Variants in SYNE2 observed in about 807,000 individuals in gnomAD.
SYNE2 encodes nesprin-2.
A neutral mutation model predicts 856.3 loss-of-function variants in SYNE2; 431 were observed. That is an observed-to-expected ratio of 0.50 (90% CI 0.47 to 0.55). The LOEUF (loss-of-function observed/expected upper bound fraction) is 0.55, where lower values mean the gene tolerates loss of function less well. Among genes scored for constraint, SYNE2 ranks in the 20% least tolerant of loss-of-function variants. The pLI is 0.00. For missense variants in SYNE2, 8,129 were observed against 8,023.2 expected, an observed-to-expected ratio of 1.01 and a Z score of -0.50; for synonymous variants, 2,923 against 2,872.3, an observed-to-expected ratio of 1.02 and a Z score of -0.56.
At chr14:63,814,331 C>T (rs554326623) in intron 1 of SYNE2, among the ~76,000 whole-genome samples, 17 of 149,312 alleles carry the variant, frequency 1.1e-4, no homozygotes, top group African/African-American at 4.2e-4. Flanking sequence ...AAACAAAAAA[C>T]TGCCTGTATT....
At position 64,130,042 on chromosome 14, in the gene SYNE2, T is replaced by C; in HGVS notation, c.14140-6T>C. On this transcript the variant is annotated splice_region_variant and splice_polypyrimidine_tract_variant and intron_variant, in intron 75 of 115. Transcript: ENST00000555002. ...TGCATGTGTGCACCTGCTCTTCTCT[T>C]TTCAGGATGTACTTGACAGTATGTG... 1 of 1,613,628 alleles carries C rather than the reference T, an allele frequency of 6.2e-7. No homozygotes were observed. The highest frequency in any genetic ancestry group is 8.5e-7 in the Non-Finnish European group (1 of 1,179,982).
chr14:63,859,257 G>A (rs1050100856), intron 1 of SYNE2, among the ~76,000 whole-genome samples: 2 of 152,102 alleles, frequency 1.3e-5, no homozygotes, highest in Admixed American at 1.3e-4. Context: ...TAATTTTATT[G>A]AACTCCATGA....
Position 64,026,703 on chromosome 14 carries a change from C to T in SYNE2, c.6377C>T (p.Thr2126Ile), listed in dbSNP as rs2096981984. The T allele has an allele frequency of 6.2e-7, 1 of 1,611,362 alleles. No individual in the cohort carries two copies. Among genetic ancestry groups the T allele is most frequent in the Non-Finnish European group, 8.5e-7 (1 of 1,178,586 alleles). The change falls in exon 42 of 116, where the codon ACA becomes ATA. Residue 2126 changes from threonine to isoleucine, a missense_variant. By Grantham distance (89) the Thr-to-Ile change is moderately conservative (BLOSUM62 -1). Coordinates refer to ENST00000555002, the MANE Select transcript of SYNE2 (RefSeq NM_182914.3). ...GACATCAGCAACCAGTGGGACAACACACTCCATTTAGCTAGCACCTACCTA... is the reference window on the plus strand; with the variant it reads ...GACATCAGCAACCAGTGGGACAACATACTCCATTTAGCTAGCACCTACCTA... Reference protein sequence around the residue: ...LTDISNQWDNTLHLASTYLSH... With the variant: ...LTDISNQWDNILHLASTYLSH...
intron 52 of SYNE2, 67 bp from the exon 53 acceptor site, chr14:64,073,901 A>C (rs2097434495): frequency 1.3e-6 from 2 of 1,546,490 alleles, no homozygotes; most frequent in African/African-American, 2.7e-5. Flanking sequence ...GTTGCAATAA[A>C]ACTGTTTCAT....
chr14:63,995,730 CATCTATCTATCT>C (rs373410347), intron 23 of SYNE2, among the ~76,000 whole-genome samples: 4 of 113,454 alleles, frequency 3.5e-5, no homozygotes, highest in African/African-American at 8.2e-5. Context: ...TATATCTATC[CATCTATCTATCT>C]ATCTATCTAT....
intron 1 of SYNE2, among the ~76,000 whole-genome samples, chr14:63,893,611 A>G (rs1436274631): frequency 6.6e-6 from 1 of 152,210 alleles, no homozygotes; most frequent in Non-Finnish European, 1.5e-5. Context: ...TTATTAATTT[A>G]TTCTTTTTAA....
chr14:63,871,438 C>T (rs1317267262), intron 1 of SYNE2, among the ~76,000 whole-genome samples: 2 of 151,776 alleles, frequency 1.3e-5, no homozygotes, highest in Non-Finnish European at 1.5e-5. Context: ...GAACTCCCAA[C>T]CTCAGATGAT....
At chr14:63,812,971 A>C (rs1466323040) in intron 1 of SYNE2, among the ~76,000 whole-genome samples, 2 of 152,210 alleles carry the variant, frequency 1.3e-5, no homozygotes, top group South Asian at 2.1e-4. Flanking sequence ...CAGGTGAGTA[A>C]AAATGGTCAC....
intron 1 of SYNE2, among the ~76,000 whole-genome samples, chr14:63,893,494 G>A (rs1445881522): frequency 6.6e-6 from 1 of 152,174 alleles, no homozygotes; most frequent in Non-Finnish European, 1.5e-5. Flanking sequence ...AGCCTGGGAG[G>A]TTGAGGCTGC....
intron 1 of SYNE2, among the ~76,000 whole-genome samples, chr14:63,778,639 T>C (rs1406138766): frequency 6.6e-6 from 1 of 152,084 alleles, no homozygotes; most frequent in Non-Finnish European, 1.5e-5. Flanking sequence ...ATCAGACTCC[T>C]GAGTAGCTGG....
chr14:63,848,252 A>G (rs1014263933), upstream of SYNE2: 2 of 152,162 alleles, frequency 1.3e-5, no homozygotes, highest in Admixed American at 1.3e-4. Context: ...GTTATTATTT[A>G]TTTATTTTTA....
chr14:64,182,921 C>T (rs901102789), intron 96 of SYNE2, among the ~76,000 whole-genome samples: 2 of 152,204 alleles, frequency 1.3e-5, no homozygotes, highest in Admixed American at 6.5e-5. Context: ...GACGGGGTGA[C>T]GGCTGGGCAG....
chr14:64,153,342 A>G (rs538496354), intron 85 of SYNE2, among the ~76,000 whole-genome samples: 1 of 152,314 alleles, frequency 6.6e-6, no homozygotes, highest in Non-Finnish European at 1.5e-5. Context: ...TTTTCCCACA[A>G]CAGAGGAAGA....
chr14:63,783,084 T>C (rs1331998914), intron 1 of SYNE2, among the ~76,000 whole-genome samples: 1 of 152,098 alleles, frequency 6.6e-6, no homozygotes, highest in Non-Finnish European at 1.5e-5. Context: ...CATCTTTGAT[T>C]GTAATCCCCA....
intron 2 of SYNE2, among the ~76,000 whole-genome samples, chr14:63,925,074 G>T (rs2095647372): frequency 6.6e-6 from 1 of 152,042 alleles, no homozygotes; most frequent in Non-Finnish European, 1.5e-5. Flanking sequence ...GGCTGAGGCT[G>T]GTGGATCGCT....
chr14:63,960,452 T>C (rs1467612950), intron 8 of SYNE2, among the ~76,000 whole-genome samples: 4 of 152,222 alleles, frequency 2.6e-5, no homozygotes, highest in African/African-American at 9.6e-5. Flanking sequence ...TAGCATCTAC[T>C]AGCTGAATGA....
chr14:64,063,015 T>C, intron 50 of SYNE2, 120 bp downstream of exon 50: 2 of 1,107,638 alleles, frequency 1.8e-6, no homozygotes, highest in South Asian at 2.6e-5. Context: ...GTGAGTTAAA[T>C]ATCCATGAAT....
At chr14:64,173,681 T>C (rs1242371084) in intron 94 of SYNE2, among the ~76,000 whole-genome samples, 2 of 152,084 alleles carry the variant, frequency 1.3e-5, no homozygotes. Context: ...TGATCATAGC[T>C]CACTGTAACC....
At chr14:64,091,139 A>C in intron 60 of SYNE2, 91 bp downstream of exon 60, 1 of 1,200,342 alleles carries the variant, frequency 8.3e-7, no homozygotes, top group Non-Finnish European at 1.2e-6. Context: ...ATTCATTATT[A>C]TCCTATTATT....
Sources: allele counts gnomAD v4.1 joint callset (sites outside exome capture counted in the v4.1 genomes callset), GRCh38; gene constraint gnomAD v4.1.1; transcripts MANE v1.5; gene names NCBI Gene and HGNC (gene_info 2026-07-23, HGNC 2026-07-21).